Variants in ROBO4 observed in about 807,000 individuals in gnomAD.
The protein encoded by ROBO4 is roundabout homolog 4.
Under a neutral mutation model 103.3 loss-of-function variants are expected in ROBO4, and 80 were observed. The ratio of observed to expected loss-of-function variants is 0.77; its 90% CI spans 0.65 to 0.93. The LOEUF (loss-of-function observed/expected upper bound fraction) is 0.93. Ranked by LOEUF, ROBO4 falls within the 40% of genes least tolerant of loss-of-function variation. The probability of loss-of-function intolerance (pLI) is 0.00; values close to 1 mark genes in which losing one functional copy is unlikely to be tolerated. For synonymous variants in ROBO4, 504 were observed against 529.7 expected (o/e 0.95, Z 0.67); for missense variants, 1,333 against 1,305.3 (o/e 1.02, Z -0.33).
chr11:124,897,332 C>T (rs1192948868), intron 1 of ROBO4, 71 bp from the exon 2 acceptor site: 2 of 1,150,642 alleles, frequency 1.7e-6, no homozygotes, highest in Non-Finnish European at 2.4e-6. Context: ...CACCCCTCAT[C>T]TGTCTTCTCT....
rs1265243039 is a variant in ROBO4, at chr11:124,894,004, C to G, written c.1360G>C (p.Gly454Arg). ...CTCAGCTGCTCCAGGGTCCAGGGAC[C>G]ATGCTCACTGGGTTCTTGGGTGGCT... Reference protein sequence around the residue: ...ERATQEPSEHGPWTLEQLRAT... With the variant: ...ERATQEPSEHRPWTLEQLRAT... Residue 454 changes from glycine (G) to arginine (R), a missense_variant, in exon 9 of 18, where the codon GGT becomes CGT. Coordinates refer to ENST00000306534, the MANE Select transcript of ROBO4 (RefSeq NM_019055.6). 6.4e-7 allele frequency: 1 copy of G among 1,569,330 alleles called. No individual in the cohort carries two copies. The highest frequency in any genetic ancestry group is 8.6e-7 in the Non-Finnish European group (1 of 1,158,384).
Position 124,887,804 on chromosome 11 carries a change from C to T in ROBO4, c.1985G>A (p.Gly662Asp), listed in dbSNP as rs145067866. 6,845 of 1,613,572 alleles carry T rather than the reference C, an allele frequency of 4.2e-3. 29 individuals carry two copies. The highest frequency in any genetic ancestry group is 5.1e-3 in the Non-Finnish European group (6,066 of 1,179,884). ...QHANSSPLLRGSHSLELRACE... is the reference protein window; with the variant it reads ...QHANSSPLLRDSHSLELRACE... The stretch of plus-strand genomic sequence containing the variant: ...GGCCCGGAGCTCCAAGGAGTGGCTG[C>T]CCCGGAGCAGTGGGGAACTGTTGGC... The change falls in exon 13 of 18, where the codon GGC (glycine) becomes GAC (aspartate). Residue 662 changes from glycine (G) to aspartate (D), a missense_variant. By Grantham distance (94) the Gly-to-Asp change is moderately conservative. Coordinates refer to ENST00000306534, the MANE Select transcript of ROBO4 (RefSeq NM_019055.6).
intron 12 of ROBO4, 64 bp downstream of exon 12, chr11:124,891,235 C>T: frequency 6.7e-7 from 1 of 1,493,920 alleles, no homozygotes; most frequent in Non-Finnish European, 8.9e-7. Context: ...TTGTTCCCAT[C>T]ACATTCCCAT....
chr11:124,891,119 C>A (rs907532515), intron 12 of ROBO4, among the ~76,000 whole-genome samples, 180 bp downstream of exon 12: 1 of 151,938 alleles, frequency 6.6e-6, no homozygotes, highest in African/African-American at 2.4e-5. Flanking sequence ...GCTATTGCAC[C>A]CCTAGCTGAG....
intron 7 of ROBO4, among the ~76,000 whole-genome samples, chr11:124,894,866 T>C (rs1056474426): frequency 1.3e-5 from 2 of 152,206 alleles, no homozygotes; most frequent in Non-Finnish European, 2.9e-5. Flanking sequence ...TTGGGGATAA[T>C]ACCCCAGGGT....
intron 12 of ROBO4, among the ~76,000 whole-genome samples, chr11:124,890,306 A>G (rs931514242): frequency 6.6e-6 from 1 of 152,094 alleles, no homozygotes; most frequent in Admixed American, 6.5e-5. Context: ...TGTCTTATTA[A>G]AAGTTGGATT....
Position 124,897,715 on chromosome 11 carries a change from G to C in ROBO4, c.70+11C>G. 6.2e-7 allele frequency: 1 copy of C among 1,613,618 alleles called. No individual in the cohort carries two copies. On this transcript the variant is annotated intron_variant, in intron 1 of 17. Transcript: ENST00000306534. ...GGAGGAGCATGGGCCAGGAGAGGGA[G>C]AGCAACTCACCCATGATGAGCAGGA... is the stretch of plus-strand genomic sequence containing the variant.
rs747378317 is a variant in ROBO4 at position 124,891,703 on chromosome 11, C to T, written c.1647G>A (p.Gly549=). The change falls in exon 11 of 18, where the codon GGG becomes GGA. Residue 549 remains glycine (G), a synonymous_variant. Coordinates refer to ENST00000306534, the MANE Select transcript of ROBO4 (RefSeq NM_019055.6). The part of the protein sequence containing the change: ...SSSSSLSSRL[G]ADARDPLDCR... ...AGTCTAGTGGGTCCCGGGCATCCGCCCCCAGCCGACTGCTGAGGCTGCTGC... is the reference window on the plus strand; with the variant it reads ...AGTCTAGTGGGTCCCGGGCATCCGCTCCCAGCCGACTGCTGAGGCTGCTGC... 1.5e-5 allele frequency: 25 copies of T among 1,614,060 alleles called. No homozygotes were observed. The highest frequency in any genetic ancestry group is 1.6e-5 in the Non-Finnish European group (19 of 1,180,054).
At chr11:124,895,226 C>G in intron 6 of ROBO4, 33 bp from the exon 7 acceptor site, 1 of 1,536,350 alleles carries the variant, frequency 6.5e-7, no homozygotes, top group Non-Finnish European at 9.0e-7. Context: ...ATGAGGGGCT[C>G]TGAGGGAGAG....
chr11:124,894,349 T>C lies in ROBO4; in HGVS notation c.1170A>G (p.Thr390=), dbSNP rs376159527. The C allele has an allele frequency of 2.5e-5, 41 of 1,613,274 alleles. 1 individual carries two copies. The highest frequency in any genetic ancestry group is 6.7e-5 in the African/African-American group (5 of 74,888). The change falls in exon 8 of 18, where the codon ACA becomes ACG. Residue 390 remains threonine, a synonymous_variant. Transcript: ENST00000306534. ...CAGTCCAGTTGGCTGGTGGCAGTGA[T>C]GTGTTGCCCAGGCTCCAGACCTGAG... is the stretch of plus-strand genomic sequence containing the variant. ...RGYQVWSLGN[T]SLPPANWTVV...
At chr11:124,894,172 T>C in intron 8 of ROBO4, 29 bp downstream of exon 8, 1 of 1,589,108 alleles carries the variant, frequency 6.3e-7, no homozygotes, top group African/African-American at 1.3e-5. Flanking sequence ...GGCTGAAGGG[T>C]AGGGTGGGTC....
chr11:124,892,315 C>T (rs1946812704), intron 10 of ROBO4: 1 of 316,892 alleles, frequency 3.2e-6, no homozygotes, highest in East Asian at 8.0e-5. Flanking sequence ...CCTCTGGCTG[C>T]CTGAGTGATC....
In ROBO4 at chr11:124,896,660, C is replaced by T; in HGVS notation, c.411G>A (p.Glu137=). 6.2e-7 allele frequency: 1 copy of T among 1,614,026 alleles called. No individual in the cohort carries two copies. The highest frequency in any genetic ancestry group is 8.5e-7 in the Non-Finnish European group (1 of 1,179,946). The stretch of plus-strand genomic sequence containing the variant: ...TGTCCCGAGGCTGGATCTGGAAATC[C>T]TCCCGGAGGACTGTGGGGAGGATGG... The part of the protein sequence containing the change: ...GARLSVAVLR[E]DFQIQPRDMV... Residue 137 remains glutamate (E), a synonymous_variant, in exon 3 of 18, where the codon GAG becomes GAA. Coordinates refer to ENST00000306534, the MANE Select transcript of ROBO4 (RefSeq NM_019055.6).
chr11:124,896,665 G>T lies in ROBO4; in HGVS notation c.406C>A (p.Arg136=). 2 of 1,613,844 alleles carry T rather than the reference G, an allele frequency of 1.2e-6. No homozygotes were observed. The highest frequency in any genetic ancestry group is 8.5e-7 in the Non-Finnish European group (1 of 1,179,866). ...RGARLSVAVL[R]EDFQIQPRDM... ...CGAGGCTGGATCTGGAAATCCTCCC[G>T]GAGGACTGTGGGGAGGATGGAAGGT... Residue 136 remains arginine (R), a synonymous_variant, in exon 3 of 18, where the codon CGG becomes AGG. Transcript: ENST00000306534.
At position 124,887,090 on chromosome 11, in the gene ROBO4, G is replaced by A. The variant is rs1430873004; in HGVS notation, c.2322C>T (p.Ser774=). 5 of 1,613,730 alleles carry A rather than the reference G, an allele frequency of 3.1e-6. No individual in the cohort carries two copies. The highest frequency in any genetic ancestry group is 4.2e-6 in the Non-Finnish European group (5 of 1,179,824). The change falls in exon 15 of 18, where the codon TCC becomes TCT. Residue 774 remains serine, a synonymous_variant. Transcript: ENST00000306534. ...ASSLSGPSPA[S]SRLSSSSLSS... is the part of the protein sequence containing the mutation. ...ACAGTGAGGAGCTGGACAGGCGACT[G>A]GAAGCTGGGCTGGGGCCAGAGAGGG...
intron 15 of ROBO4, 56 bp downstream of exon 15, chr11:124,886,921 G>A: frequency 6.4e-7 from 1 of 1,557,218 alleles, no homozygotes; most frequent in Non-Finnish European, 8.7e-7. Flanking sequence ...TGGGTGGAGA[G>A]GCGCTTGCCC....
rs753464972 is a variant in ROBO4 at position 124,893,970 on chromosome 11, A to C, written c.1394T>G (p.Leu465Trp). Residue 465 changes from leucine to tryptophan, a missense_variant, in exon 9 of 18, where the codon TTG becomes TGG. Physicochemically the swap from Leu to Trp is moderately conservative, Grantham distance 61. Coordinates refer to ENST00000306534, the MANE Select transcript of ROBO4 (RefSeq NM_019055.6). The part of the protein sequence containing the change: ...PWTLEQLRAT[L>W]KRPEVIATCG... Reference sequence around the variant, plus strand: ...GGTGGCAATGACCTCAGGCCGCTTCAAGGTAGCCCTCAGCTGCTCCAGGGT... The same window carrying C: ...GGTGGCAATGACCTCAGGCCGCTTCCAGGTAGCCCTCAGCTGCTCCAGGGT... 29 of 1,598,618 alleles carry C rather than the reference A, an allele frequency of 1.8e-5. No individual in the cohort carries two copies. In the South Asian group the frequency reaches 2.2e-4, roughly 12 times the overall value.
chr11:124,894,542 C>G, intron 7 of ROBO4, 173 bp from the exon 8 acceptor site: 1 of 610,516 alleles, frequency 1.6e-6, no homozygotes. Flanking sequence ...AGATACCTCT[C>G]TCTAGATCAA....
Position 124,896,274 on chromosome 11 carries a change from G to A in ROBO4, c.603C>T (p.Asp201=), listed in dbSNP as rs150010687. The A allele has an allele frequency of 3.7e-5, 60 of 1,614,104 alleles. No homozygotes were observed. Among genetic ancestry groups the A allele is most frequent in the South Asian group, 3.6e-4 (33 of 91,086 alleles). The part of the protein sequence containing the change: ...SLLMARAEKS[D]EGTYMCVATN... ...TGGCCACACACATGTAGGTCCCTTC[G>A]TCACTCTTCTCTGCTCTTGCCATCA... is the stretch of plus-strand genomic sequence containing the variant. The change falls in exon 4 of 18, where the codon GAC becomes GAT. Residue 201 remains aspartate, a synonymous_variant. Transcript: ENST00000306534.
Sources: allele counts gnomAD v4.1 joint callset (sites outside exome capture counted in the v4.1 genomes callset), GRCh38; gene constraint gnomAD v4.1.1; transcripts MANE v1.5; gene names NCBI Gene and HGNC (gene_info 2026-07-23, HGNC 2026-07-21).